Variants in LPP observed in about 807,000 individuals in gnomAD.
The protein encoded by LPP is lipoma-preferred partner.
LPP carries 38 observed loss-of-function variants against 60.4 expected under a neutral mutation model. The ratio of observed to expected loss-of-function variants is 0.63; its 90% CI spans 0.49 to 0.83. The LOEUF (loss-of-function observed/expected upper bound fraction) is 0.83. LPP is among the 40% of genes least tolerant of loss of function. The pLI is 0.00. For synonymous variants in LPP, 328 were observed against 290.8 expected (o/e 1.13, Z -1.30); for missense variants, 902 against 783.6 (o/e 1.15, Z -1.80).
intron 2 of LPP, among the ~76,000 whole-genome samples, chr3:188,334,204 A>AT (rs1050370957): frequency 3.3e-5 from 5 of 152,042 alleles, no homozygotes; most frequent in East Asian, 1.9e-4. Flanking sequence ...GATTTCATTC[A>AT]TTTTTTTATG....
At chr3:188,798,283 G>C (rs1449652012) in intron 9 of LPP, among the ~76,000 whole-genome samples, 1 of 152,058 alleles carries the variant, frequency 6.6e-6, no homozygotes, top group Non-Finnish European at 1.5e-5. Flanking sequence ...CAGATATAAG[G>C]GGATCTCAGA....
chr3:188,470,319 C>CACACACACACACACACACACACACAT (rs138685539), intron 4 of LPP, among the ~76,000 whole-genome samples: 1 of 148,762 alleles, frequency 6.7e-6, no homozygotes, highest in East Asian at 2.0e-4. Flanking sequence ...CACACACACA[C>CACACACACACACACACACACACACAT]GCACACATAA....
chr3:188,351,849 G>A (rs1765942168), intron 3 of LPP, among the ~76,000 whole-genome samples: 1 of 152,068 alleles, frequency 6.6e-6, no homozygotes, highest in Non-Finnish European at 1.5e-5. Context: ...TTGGCGTTGG[G>A]GGACTTGTGG....
intron 7 of LPP, among the ~76,000 whole-genome samples, chr3:188,645,629 T>A (rs1425408630): frequency 6.6e-6 from 1 of 152,168 alleles, no homozygotes; most frequent in Non-Finnish European, 1.5e-5. Flanking sequence ...AATATCAGTT[T>A]TGCCAGTGCC....
chr3:188,844,226 A>T (rs1760873382), intron 9 of LPP, among the ~76,000 whole-genome samples: 1 of 152,108 alleles, frequency 6.6e-6, no homozygotes, highest in African/African-American at 2.4e-5. Context: ...TTTGTAGTAG[A>T]TGTTGTATAA....
At chr3:188,161,001 A>T (rs944338320) in intron 1 of LPP, among the ~76,000 whole-genome samples, 2 of 152,208 alleles carry the variant, frequency 1.3e-5, no homozygotes, top group African/African-American at 2.4e-5. Flanking sequence ...CTTTCTAGCC[A>T]TAGGGACCTT....
chr3:188,749,288 G>T (rs1284445469), intron 8 of LPP, among the ~76,000 whole-genome samples: 1 of 152,152 alleles, frequency 6.6e-6, no homozygotes, highest in African/African-American at 2.4e-5. Flanking sequence ...TACACTGAGA[G>T]CCCAAAGGCT....
chr3:188,535,684 T>C (rs900038148), intron 6 of LPP, among the ~76,000 whole-genome samples: 6 of 152,226 alleles, frequency 3.9e-5, no homozygotes, highest in Non-Finnish European at 8.8e-5. Context: ...GCTATACTCT[T>C]ATATTGCCTT....
chr3:188,273,114 A>C (rs950414915), intron 2 of LPP, among the ~76,000 whole-genome samples: 1 of 152,152 alleles, frequency 6.6e-6, no homozygotes, highest in African/African-American at 2.4e-5. Flanking sequence ...CCTACCCAGT[A>C]AAGCAGGATA....
At chr3:188,300,288 T>A (rs1261954321) in intron 2 of LPP, among the ~76,000 whole-genome samples, 1 of 152,152 alleles carries the variant, frequency 6.6e-6, no homozygotes, top group Non-Finnish European at 1.5e-5. Context: ...TTGTAAACAT[T>A]CCCAAAATGT....
chr3:188,834,771 C>T (rs187849533), intron 9 of LPP, among the ~76,000 whole-genome samples: 2 of 152,206 alleles, frequency 1.3e-5, no homozygotes, highest in East Asian at 3.9e-4. Context: ...TAATGCAATC[C>T]TAGATCTTGC....
At chr3:188,191,530 C>T (rs1728181541) in intron 1 of LPP, among the ~76,000 whole-genome samples, 1 of 152,128 alleles carries the variant, frequency 6.6e-6, no homozygotes, top group Admixed American at 6.5e-5. Flanking sequence ...AATGGAGGGG[C>T]AGCAGCCAGT....
intron 7 of LPP, among the ~76,000 whole-genome samples, chr3:188,644,415 G>C (rs562386526): frequency 3.3e-5 from 5 of 152,158 alleles, no homozygotes; most frequent in Non-Finnish European, 7.4e-5. Context: ...GACTTCAGGA[G>C]AACCTTGTGA....
At chr3:188,692,154 C>T (rs1862262798) in intron 7 of LPP, among the ~76,000 whole-genome samples, 2 of 152,154 alleles carry the variant, frequency 1.3e-5, no homozygotes, top group African/African-American at 4.8e-5. Context: ...TCACCACAGC[C>T]ACGTTGATCC....
intron 6 of LPP, among the ~76,000 whole-genome samples, chr3:188,580,311 A>T (rs1342100378): frequency 6.6e-6 from 1 of 151,976 alleles, no homozygotes; most frequent in Non-Finnish European, 1.5e-5. Context: ...TTTATAAAAG[A>T]TTATCAGTAA....
intron 6 of LPP, among the ~76,000 whole-genome samples, chr3:188,531,019 T>C (rs1822049091): frequency 6.6e-6 from 1 of 152,174 alleles, no homozygotes; most frequent in South Asian, 2.1e-4. Flanking sequence ...TCTTCTAGTT[T>C]CTAGTACAGG....
At chr3:188,341,151 C>T (rs1046601531) in intron 2 of LPP, among the ~76,000 whole-genome samples, 3 of 152,084 alleles carry the variant, frequency 2.0e-5, no homozygotes, top group Admixed American at 2.0e-4. Flanking sequence ...ATTTTATTTT[C>T]TCTCTCCACC....
At chr3:188,770,157 T>C (rs1381776952) in intron 9 of LPP, among the ~76,000 whole-genome samples, 1 of 147,862 alleles carries the variant, frequency 6.8e-6, no homozygotes, top group Non-Finnish European at 1.5e-5. Context: ...TTTTCTTTCA[T>C]AGTTATAATT....
chr3:188,766,378 C>CAAACAAAAAAAAAAAAAAAAAAA (rs1734132684), intron 9 of LPP, among the ~76,000 whole-genome samples: 1 of 124,670 alleles, frequency 8.0e-6, no homozygotes, highest in African/African-American at 2.9e-5. Context: ...CCTTAAAAAG[C>CAAACAAAAAAAAAAAAAAAAAAA]AAAAAAAAAA....
Sources: allele counts gnomAD v4.1 joint callset (sites outside exome capture counted in the v4.1 genomes callset), GRCh38; gene constraint gnomAD v4.1.1; transcripts MANE v1.5; gene names NCBI Gene and HGNC (gene_info 2026-07-23, HGNC 2026-07-21).